GABRG3: variants seen among roughly 807,000 people sequenced by gnomAD.
GABRG3 encodes the protein gamma-aminobutyric acid type A receptor subunit gamma3.
In GABRG3, 25 loss-of-function variants were observed where a neutral mutation model predicts 48.8. The ratio of observed to expected loss-of-function variants is 0.51; its 90% CI spans 0.37 to 0.72. The LOEUF is 0.72. Ranked by LOEUF, GABRG3 falls within the 30% of genes least tolerant of loss-of-function variation. The probability of loss-of-function intolerance (pLI) is 0.00; values close to 1 mark genes in which losing one functional copy is unlikely to be tolerated. For missense variants in GABRG3, 394 were observed against 577.9 expected, an observed-to-expected ratio of 0.68 and a Z score of 3.26; for synonymous variants, 227 against 217.6, an observed-to-expected ratio of 1.04 and a Z score of -0.38.
chr15:27,477,630 A>G (rs1247098346), intron 5 of GABRG3, among the ~76,000 whole-genome samples: 1 of 152,202 alleles, frequency 6.6e-6, no homozygotes, highest in Non-Finnish European at 1.5e-5. Flanking sequence ...CTGCAGCAGG[A>G]TATTGACAAT....
chr15:27,069,679 T>A (rs1896795617), intron 3 of GABRG3, among the ~76,000 whole-genome samples: 1 of 152,262 alleles, frequency 6.6e-6, no homozygotes, highest in Admixed American at 6.5e-5. Flanking sequence ...AATTTCCACC[T>A]GTATACTTTA....
At position 27,539,796 on chromosome 15, in the gene GABRG3, C is replaced by A. The variant is rs1891625864; in HGVS notation, c.*6915C>A. On this transcript the variant is annotated 3_prime_UTR_variant, in exon 10 of 10. Transcript: ENST00000615808. Reference sequence around the variant, plus strand: ...ACCTCCAGGGTGGCCTTGGGAGCTACAGAGAGGAAAAAAAGAAAAAATGTT... The same window carrying A: ...ACCTCCAGGGTGGCCTTGGGAGCTAAAGAGAGGAAAAAAAGAAAAAATGTT... 1 of 151,692 alleles carries A rather than the reference C, an allele frequency of 6.6e-6. No individual in the cohort carries two copies. The highest frequency in any genetic ancestry group is 2.4e-5 in the African/African-American group (1 of 41,290). 9.4% of individuals were successfully genotyped at this position (151,692 alleles called of 1,614,324 possible).
chr15:27,112,986 A>G (rs1253420566), intron 3 of GABRG3, among the ~76,000 whole-genome samples: 9 of 152,146 alleles, frequency 5.9e-5, no homozygotes, highest in Non-Finnish European at 1.0e-4. Flanking sequence ...TTTCTGTAAT[A>G]TATTTCTTCT....
chr15:27,495,188 T>C (rs933095356), intron 6 of GABRG3, among the ~76,000 whole-genome samples: 1 of 152,206 alleles, frequency 6.6e-6, no homozygotes, highest in Non-Finnish European at 1.5e-5. Flanking sequence ...TTGACTACTT[T>C]AGATACTTCA....
Position 27,511,369 on chromosome 15 carries a change from C to T in GABRG3, c.713-8603C>T, listed in dbSNP as rs184922207. On this transcript the variant is annotated intron_variant, in intron 6 of 9. Coordinates refer to ENST00000615808, the MANE Select transcript of GABRG3 (RefSeq NM_033223.5). Reference sequence around the variant, plus strand: ...CCCTGAGCCGTGTCCCCTCTGATAGCGAAAGGGAGGTGTTGGTGATGCTGA... The same window carrying T: ...CCCTGAGCCGTGTCCCCTCTGATAGTGAAAGGGAGGTGTTGGTGATGCTGA... Among the ~76,000 whole-genome samples, 159 of 152,178 alleles carry T rather than the reference C, an allele frequency of 1.0e-3. 1 individual carries two copies. Among genetic ancestry groups the T allele is most frequent in the Non-Finnish European group, 1.9e-3 (126 of 68,012 alleles).
chr15:27,119,083 C>T (rs1203949615), intron 3 of GABRG3, among the ~76,000 whole-genome samples: 3 of 152,142 alleles, frequency 2.0e-5, no homozygotes, highest in Non-Finnish European at 4.4e-5. Context: ...CTCCCTGTAC[C>T]TCCCTGTACC....
At chr15:27,371,106 C>A (rs1566810274) in intron 5 of GABRG3, among the ~76,000 whole-genome samples, 2 of 152,150 alleles carry the variant, frequency 1.3e-5, no homozygotes, top group East Asian at 3.9e-4. Context: ...GGCCAGTACA[C>A]CAAGTTCCAT....
chr15:27,361,056 G>A (rs1435802169), intron 5 of GABRG3, among the ~76,000 whole-genome samples: 1 of 152,228 alleles, frequency 6.6e-6, no homozygotes, highest in Non-Finnish European at 1.5e-5. Flanking sequence ...AGTCAGCTGT[G>A]ACCACTCATA....
chr15:27,207,209 C>G (rs1006835720), intron 3 of GABRG3, among the ~76,000 whole-genome samples: 1 of 152,128 alleles, frequency 6.6e-6, no homozygotes, highest in African/African-American at 2.4e-5. Flanking sequence ...AGCACGAGTG[C>G]CTTGGGCTCA....
intron 3 of GABRG3, among the ~76,000 whole-genome samples, chr15:27,057,955 G>C (rs911127058): frequency 6.6e-6 from 1 of 152,194 alleles, no homozygotes; most frequent in African/African-American, 2.4e-5. Flanking sequence ...GCTTCTTACA[G>C]GACATGAGTG....
At chr15:27,361,682 C>T (rs1895028923) in intron 5 of GABRG3, among the ~76,000 whole-genome samples, 1 of 152,188 alleles carries the variant, frequency 6.6e-6, no homozygotes, top group South Asian at 2.1e-4. Flanking sequence ...GGGTGGTCAA[C>T]AGTCTTTAAG....
intron 3 of GABRG3, among the ~76,000 whole-genome samples, chr15:27,294,143 G>T (rs1891896660): frequency 6.6e-6 from 1 of 151,910 alleles, no homozygotes. Context: ...CACATGCCCA[G>T]ATTGCAGCAA....
At position 27,515,547 on chromosome 15, in the gene GABRG3, C is replaced by T. The variant is rs112553208; in HGVS notation, c.713-4425C>T. 7.7e-3 allele frequency among the ~76,000 whole-genome samples: 1,172 copies of T among 152,088 alleles called. 14 individuals are homozygous for T. The highest frequency in any genetic ancestry group is 0.025 in the African/African-American group (1,040 of 41,500). The stretch of plus-strand genomic sequence containing the variant: ...AGGTGGCTTTTCAGAGAGTATTAAG[C>T]TTAGGCAATTTTGAAAGGAAACCAG... On this transcript the variant is annotated intron_variant, in intron 6 of 9. Coordinates refer to ENST00000615808, the MANE Select transcript of GABRG3 (RefSeq NM_033223.5).
At chr15:27,494,927 A>G (rs1890446025) in intron 6 of GABRG3, among the ~76,000 whole-genome samples, 1 of 152,096 alleles carries the variant, frequency 6.6e-6, no homozygotes, top group South Asian at 2.1e-4. Context: ...AGTTTAGATT[A>G]TTGATTTCAG....
chr15:27,507,914 C>T lies in GABRG3; in HGVS notation c.713-12058C>T, dbSNP rs115561908. Among the ~76,000 whole-genome samples the T allele has an allele frequency of 3.0e-3, 461 of 152,254 alleles. 4 individuals are homozygous for T. The highest frequency in any genetic ancestry group is 9.8e-3 in the African/African-American group (409 of 41,562). Reference sequence around the variant, plus strand: ...ATCCTTTTATCATTATGTAACATTCCTTTTTATTCCTAAAAATAACCTTTG... The same window carrying T: ...ATCCTTTTATCATTATGTAACATTCTTTTTTATTCCTAAAAATAACCTTTG... On this transcript the variant is annotated intron_variant, in intron 6 of 9. Coordinates refer to ENST00000615808, the MANE Select transcript of GABRG3 (RefSeq NM_033223.5).
intron 3 of GABRG3, among the ~76,000 whole-genome samples, chr15:27,142,785 T>C (rs1045321615): frequency 6.6e-6 from 1 of 152,096 alleles, no homozygotes; most frequent in African/African-American, 2.4e-5. Flanking sequence ...GCTTGGTTTT[T>C]TTTTTTTGAG....
intron 3 of GABRG3, among the ~76,000 whole-genome samples, chr15:27,285,684 C>G (rs61005401): frequency 0.13 from 20,119 of 152,120 alleles, 3,477 homozygotes; most frequent in African/African-American, 0.4. Context: ...CCATTAGACA[C>G]TGAGCTATTC....
intron 5 of GABRG3, among the ~76,000 whole-genome samples, chr15:27,383,251 T>C (rs1895829592): frequency 2.0e-5 from 3 of 152,246 alleles, no homozygotes; most frequent in Admixed American, 2.0e-4. Context: ...GAGTTTGTGC[T>C]ATTACTTATT....
chr15:27,178,340 C>A (rs988537830), intron 3 of GABRG3, among the ~76,000 whole-genome samples: 2 of 152,190 alleles, frequency 1.3e-5, no homozygotes, highest in Non-Finnish European at 2.9e-5. Flanking sequence ...ATTTCAATCT[C>A]TTGACAAAAA....
Sources: allele counts gnomAD v4.1 joint callset (sites outside exome capture counted in the v4.1 genomes callset), GRCh38; gene constraint gnomAD v4.1.1; transcripts MANE v1.5; gene names NCBI Gene and HGNC (gene_info 2026-07-23, HGNC 2026-07-21).